STIMATE: variants seen among roughly 807,000 people sequenced by gnomAD.
The protein encoded by STIMATE is STIM activating enhancer, also known as store-operated calcium entry regulator STIMATE.
In STIMATE, 15 loss-of-function variants were observed where a neutral mutation model predicts 36.7. The observed-to-expected ratio is 0.41, with a 90% CI of 0.27 to 0.63. The LOEUF (loss-of-function observed/expected upper bound fraction) is 0.63, where lower values mean the gene tolerates loss of function less well. Ranked by LOEUF, STIMATE falls within the 20% of genes least tolerant of loss-of-function variation. STIMATE has a pLI of 0.32. For missense variants in STIMATE, 305 were observed against 397.3 expected, an observed-to-expected ratio of 0.77 and a Z score of 1.98; for synonymous variants, 163 against 162.3, an observed-to-expected ratio of 1.00 and a Z score of -0.03.
At chr3:52,882,747 C>T (rs899937257) in intron 1 of STIMATE, among the ~76,000 whole-genome samples, 1 of 152,132 alleles carries the variant, frequency 6.6e-6, no homozygotes, top group Non-Finnish European at 1.5e-5. Context: ...CAAGGGGTAT[C>T]CTATCGGTGC....
chr3:52,841,592 G>A (rs1406234434), intron 7 of STIMATE: 2 of 152,258 alleles, frequency 1.3e-5, no homozygotes, highest in African/African-American at 4.8e-5. Flanking sequence ...TTCTAGGGCA[G>A]GGCAGGCAGT....
intron 1 of STIMATE, among the ~76,000 whole-genome samples, chr3:52,860,657 T>C (rs900386291): frequency 1.3e-5 from 2 of 152,038 alleles, no homozygotes; most frequent in East Asian, 1.9e-4. Context: ...CCCACTCCCA[T>C]TCACCCCCCG....
chr3:52,880,036 A>G (rs1384381385), intron 1 of STIMATE, among the ~76,000 whole-genome samples: 2 of 152,166 alleles, frequency 1.3e-5, no homozygotes, highest in East Asian at 1.9e-4. Context: ...AAGAACATAA[A>G]TCAACCCCAG....
intron 4 of STIMATE, chr3:52,847,263 T>C (rs1700924253): frequency 6.9e-6 from 8 of 1,165,004 alleles, no homozygotes; most frequent in Non-Finnish European, 4.3e-6. Context: ...ATGTGGGTGT[T>C]TTGTTTGGGT....
intron 1 of STIMATE, 62 bp downstream of exon 1, chr3:52,897,229 A>T: frequency 1.3e-6 from 2 of 1,511,928 alleles, no homozygotes; most frequent in Non-Finnish European, 1.8e-6. Flanking sequence ...AGGGGCCCCC[A>T]GGGGGGCCGG....
intron 1 of STIMATE, among the ~76,000 whole-genome samples, chr3:52,861,776 A>C (rs1320658300): frequency 1.3e-5 from 2 of 152,274 alleles, no homozygotes; most frequent in South Asian, 2.1e-4. Flanking sequence ...TGGGTCTGCC[A>C]GCTGCAACCC....
rs986115660 is a variant in STIMATE at position 52,892,463 on chromosome 3, T to A, written c.160+4828A>T. ...CATTGGCCACAACACCAGCTTGGCA[T>A]GAAAAAAGGGGCGTTCTTCCTTTGC... On this transcript the variant is annotated intron_variant, in intron 1 of 7. Transcript: ENST00000355083. Among the ~76,000 whole-genome samples the A allele has an allele frequency of 2.0e-5, 3 of 152,110 alleles. No homozygotes were observed. The South Asian group carries it at 6.2e-4, about 31-fold the overall frequency.
In STIMATE at chr3:52,840,416, A is replaced by C; in HGVS notation, c.*78T>G. ...TAGAAAGGAAGGGCAGAGAGAGGGT[A>C]AGGAACGATGCTGCGGGATGACCTC... is the stretch of plus-strand genomic sequence containing the variant. On this transcript the variant is annotated 3_prime_UTR_variant, in exon 8 of 8. Transcript: ENST00000355083. 1 of 1,470,124 alleles carries C rather than the reference A, an allele frequency of 6.8e-7. No homozygotes were observed. Among genetic ancestry groups the C allele is most frequent in the Non-Finnish European group, 9.4e-7 (1 of 1,068,090 alleles). The allele number at this position is 1,470,124 out of a possible 1,614,324, so 91.1% of individuals were successfully genotyped here.
At chr3:52,868,070 C>T (rs1309620758) in intron 1 of STIMATE, among the ~76,000 whole-genome samples, 2 of 152,162 alleles carry the variant, frequency 1.3e-5, no homozygotes, top group Non-Finnish European at 2.9e-5. Context: ...AGGAAAAACC[C>T]AGAAGTGTTT....
chr3:52,881,963 T>A (rs1367956073), intron 1 of STIMATE, among the ~76,000 whole-genome samples: 1 of 152,244 alleles, frequency 6.6e-6, no homozygotes, highest in African/African-American at 2.4e-5. Context: ...GTTAGTTTTG[T>A]ACCACTGTGT....
At chr3:52,843,517 T>A (rs1453746061) in intron 6 of STIMATE, among the ~76,000 whole-genome samples, 1 of 152,080 alleles carries the variant, frequency 6.6e-6, no homozygotes, top group Non-Finnish European at 1.5e-5. Flanking sequence ...GGCCCCTCCA[T>A]CCTGGACGGG....
intron 3 of STIMATE, 22 bp from the exon 4 acceptor site, chr3:52,849,935 A>G: frequency 6.2e-7 from 1 of 1,608,944 alleles, no homozygotes; most frequent in South Asian, 1.1e-5. Flanking sequence ...GGGCACATGC[A>G]TGGTCACGGC....
chr3:52,875,195 C>G (rs546071340), intron 1 of STIMATE, among the ~76,000 whole-genome samples: 1 of 152,194 alleles, frequency 6.6e-6, no homozygotes, highest in Non-Finnish European at 1.5e-5. Flanking sequence ...AGTTTCACTA[C>G]CTCTTAAAAA....
chr3:52,897,540 C>A lies in STIMATE; in HGVS notation c.-90G>T. ...GCGCCGCCAAACCCGCAGCCGGGATCCCAAGCCTGAGCCGGTACCTCCGCC... is the reference window on the plus strand; with the variant it reads ...GCGCCGCCAAACCCGCAGCCGGGATACCAAGCCTGAGCCGGTACCTCCGCC... On this transcript the variant is annotated 5_prime_UTR_variant, in exon 1 of 8. Coordinates refer to ENST00000355083, the MANE Select transcript of STIMATE (RefSeq NM_198563.5). The A allele has an allele frequency of 1.7e-6, 2 of 1,176,798 alleles. No individual in the cohort carries two copies. Among genetic ancestry groups the A allele is most frequent in the Non-Finnish European group, 2.1e-6 (2 of 953,184 alleles). 72.9% of individuals were successfully genotyped at this position (1,176,798 alleles called of 1,614,324 possible). A position where few individuals can be genotyped will look rare whatever the true frequency, so the allele number is the denominator to read the frequency against.
chr3:52,874,722 G>A (rs182677353), intron 1 of STIMATE, among the ~76,000 whole-genome samples: 7 of 152,212 alleles, frequency 4.6e-5, no homozygotes, highest in East Asian at 1.9e-4. Flanking sequence ...TTAGCTGGGC[G>A]TGGTGGCTAC....
intron 1 of STIMATE, among the ~76,000 whole-genome samples, chr3:52,872,460 C>T (rs566131431): frequency 3.7e-4 from 57 of 152,302 alleles, no homozygotes; most frequent in African/African-American, 1.3e-3. Context: ...AGTCCTACAA[C>T]AGGAAGGACT....
intron 1 of STIMATE, among the ~76,000 whole-genome samples, chr3:52,869,779 G>A (rs1335607809): frequency 6.6e-6 from 1 of 152,210 alleles, no homozygotes; most frequent in Non-Finnish European, 1.5e-5. Context: ...CAAGTCAAAG[G>A]TGGCAGAGCT....
chr3:52,872,924 C>A (rs1449330158), intron 1 of STIMATE, among the ~76,000 whole-genome samples: 1 of 152,222 alleles, frequency 6.6e-6, no homozygotes, highest in African/African-American at 2.4e-5. Context: ...CCACGCCCGG[C>A]AACCATATCT....
intron 1 of STIMATE, among the ~76,000 whole-genome samples, chr3:52,885,499 G>A (rs1000629516): frequency 3.2e-4 from 48 of 152,166 alleles, no homozygotes; most frequent in African/African-American, 9.4e-4. Context: ...GTTCAACAAC[G>A]TCTCTCTGCT....
Sources: gnomAD v4.1 joint callset for allele counts (sites outside exome capture counted in the v4.1 genomes callset) on GRCh38, gnomAD v4.1.1 for gene constraint, MANE v1.5 for transcripts, NCBI Gene and HGNC (gene_info 2026-07-23, HGNC 2026-07-21) for gene names.